GABRB1: variants seen among roughly 807,000 people sequenced by gnomAD.
The protein encoded by GABRB1 is gamma-aminobutyric acid receptor subunit beta-1.
In GABRB1, 17 loss-of-function variants were observed where a neutral mutation model predicts 51.6. That is an observed-to-expected ratio of 0.33 (90% CI 0.23 to 0.49). The LOEUF (loss-of-function observed/expected upper bound fraction) is 0.49. Ranked by LOEUF, GABRB1 falls within the 20% of genes least tolerant of loss-of-function variation. The probability of loss-of-function intolerance (pLI) is 0.99; values close to 1 mark genes in which losing one functional copy is unlikely to be tolerated. For synonymous variants in GABRB1, 247 were observed against 218.9 expected, an observed-to-expected ratio of 1.13 and a Z score of -1.14; for missense variants, 410 against 600.6, an observed-to-expected ratio of 0.68 and a Z score of 3.32.
intron 8 of GABRB1, among the ~76,000 whole-genome samples, chr4:47,416,593 A>G (rs1355790877): frequency 1.3e-5 from 2 of 151,930 alleles, no homozygotes; most frequent in East Asian, 3.9e-4. Flanking sequence ...CTGGGACTAC[A>G]GGCGCCCGCC....
intron 5 of GABRB1, among the ~76,000 whole-genome samples, chr4:47,371,272 C>A (rs1254062788): frequency 6.6e-6 from 1 of 152,190 alleles, no homozygotes; most frequent in Admixed American, 6.5e-5. Flanking sequence ...TGATATCATT[C>A]CTTTTTATGG....
intron 4 of GABRB1, among the ~76,000 whole-genome samples, chr4:47,264,779 C>G (rs1375954817): frequency 6.6e-6 from 1 of 152,184 alleles, no homozygotes; most frequent in African/African-American, 2.4e-5. Flanking sequence ...CCATCACCCC[C>G]AAAGTTTCCT....
At chr4:47,117,550 C>T (rs1338186282) in intron 3 of GABRB1, among the ~76,000 whole-genome samples, 2 of 152,152 alleles carry the variant, frequency 1.3e-5, no homozygotes, top group Admixed American at 6.6e-5. Context: ...CGTTCAGGAG[C>T]TCAGGGAAAA....
chr4:47,068,532 T>G (rs868653680), intron 3 of GABRB1, among the ~76,000 whole-genome samples: 1 of 152,218 alleles, frequency 6.6e-6, no homozygotes, highest in Non-Finnish European at 1.5e-5. Flanking sequence ...GGTTATTAAC[T>G]GGCCTAATTT....
intron 3 of GABRB1, among the ~76,000 whole-genome samples, chr4:47,080,363 G>T (rs1410047539): frequency 1.3e-5 from 2 of 151,812 alleles, no homozygotes; most frequent in Non-Finnish European, 2.9e-5. Flanking sequence ...AACATGGCAC[G>T]TGGTGTACAT....
intron 5 of GABRB1, among the ~76,000 whole-genome samples, chr4:47,349,443 T>A (rs1726227069): frequency 1.3e-5 from 2 of 152,180 alleles, no homozygotes; most frequent in Non-Finnish European, 2.9e-5. Context: ...CTTTCTGCAA[T>A]TTCAGTTACC....
intron 3 of GABRB1, among the ~76,000 whole-genome samples, chr4:47,065,430 C>A (rs1206161224): frequency 6.6e-6 from 1 of 152,216 alleles, no homozygotes; most frequent in Non-Finnish European, 1.5e-5. Context: ...GATAGCTAGG[C>A]AGCTCATCAC....
intron 3 of GABRB1, among the ~76,000 whole-genome samples, chr4:47,035,692 A>G (rs1725523898): frequency 6.6e-6 from 1 of 152,170 alleles, no homozygotes; most frequent in Non-Finnish European, 1.5e-5. Context: ...CTAAAGATGA[A>G]CAGGAGGCAG....
chr4:47,150,020 GTTTAGCTAAATA>G (rs1717355129), intron 3 of GABRB1, among the ~76,000 whole-genome samples: 1 of 151,802 alleles, frequency 6.6e-6, no homozygotes, highest in South Asian at 2.1e-4. Flanking sequence ...ACACATTTGG[GTTTAGCTAAATA>G]TTTAGAAAAT....
intron 5 of GABRB1, among the ~76,000 whole-genome samples, chr4:47,381,215 C>T (rs1727586061): frequency 6.6e-6 from 1 of 152,128 alleles, no homozygotes; most frequent in Non-Finnish European, 1.5e-5. Flanking sequence ...CATGCTGAGT[C>T]TCCTGAGTCC....
At chr4:47,194,634 A>C (rs978814556) in intron 4 of GABRB1, among the ~76,000 whole-genome samples, 1 of 152,228 alleles carries the variant, frequency 6.6e-6, no homozygotes, top group Non-Finnish European at 1.5e-5. Flanking sequence ...AGTGCTGCAC[A>C]AAAGTTACCA....
chr4:47,014,263 G>A (rs535725462), intron 1 of GABRB1, among the ~76,000 whole-genome samples: 24 of 152,124 alleles, frequency 1.6e-4, no homozygotes, highest in Non-Finnish European at 2.8e-4. Context: ...GATTTTGAGA[G>A]CTACTAAGGT....
intron 3 of GABRB1, among the ~76,000 whole-genome samples, chr4:47,039,259 C>T (rs1725726825): frequency 1.3e-5 from 2 of 150,882 alleles, no homozygotes; most frequent in South Asian, 4.2e-4. Flanking sequence ...TTCCCTGTCT[C>T]TCACATCCCC....
intron 3 of GABRB1, among the ~76,000 whole-genome samples, chr4:47,153,623 C>T (rs1013459202): frequency 2.0e-5 from 3 of 151,990 alleles, no homozygotes; most frequent in African/African-American, 7.2e-5. Flanking sequence ...TATTGGAATC[C>T]ATACTCCAGT....
intron 4 of GABRB1, among the ~76,000 whole-genome samples, chr4:47,271,000 G>T (rs1451280097): frequency 1.3e-5 from 2 of 152,116 alleles, no homozygotes; most frequent in African/African-American, 4.8e-5. Flanking sequence ...TCTATGCAAA[G>T]AATTTATAAA....
At chr4:47,289,665 T>A (rs531837613) in intron 4 of GABRB1, among the ~76,000 whole-genome samples, 5 of 152,230 alleles carry the variant, frequency 3.3e-5, no homozygotes, top group African/African-American at 1.2e-4. Flanking sequence ...ACTGGTGTAC[T>A]GGATGAGTGA....
At chr4:47,184,447 C>CA (rs1243285963) in intron 4 of GABRB1, among the ~76,000 whole-genome samples, 1 of 151,770 alleles carries the variant, frequency 6.6e-6, no homozygotes, top group Admixed American at 6.6e-5. Context: ...TGGATTCTCC[C>CA]AAAAAACAAT....
intron 4 of GABRB1, among the ~76,000 whole-genome samples, chr4:47,304,228 A>G (rs1724367043): frequency 6.6e-6 from 1 of 152,060 alleles, no homozygotes; most frequent in Admixed American, 6.6e-5. Flanking sequence ...TCCTGGTTCC[A>G]TAATGGTTGT....
chr4:47,165,384 T>G (rs555389514), intron 4 of GABRB1, among the ~76,000 whole-genome samples: 1 of 152,140 alleles, frequency 6.6e-6, no homozygotes, highest in African/African-American at 2.4e-5. Flanking sequence ...TCTCACAGCT[T>G]TGGTTTCTTC....
Sources: gnomAD v4.1 joint callset for allele counts (sites outside exome capture counted in the v4.1 genomes callset) on GRCh38, gnomAD v4.1.1 for gene constraint, MANE v1.5 for transcripts, NCBI Gene and HGNC (gene_info 2026-07-23, HGNC 2026-07-21) for gene names.